CPA6: variants seen among roughly 807,000 people sequenced by gnomAD.
CPA6 encodes carboxypeptidase B.
In CPA6, 58 loss-of-function variants were observed where a neutral mutation model predicts 63.3. That is an observed-to-expected ratio of 0.92 (90% confidence interval 0.74 to 1.14). The LOEUF is 1.14. Ranked by LOEUF, CPA6 falls within the 50% of genes most tolerant of loss-of-function variation. CPA6 has a pLI of 0.00. For synonymous variants in CPA6, 185 were observed against 179.0 expected, an observed-to-expected ratio of 1.03 and a Z score of -0.27; for missense variants, 565 against 526.6, an observed-to-expected ratio of 1.07 and a Z score of -0.71.
chr8:67,626,077 C>G (rs1343830922), intron 1 of CPA6, among the ~76,000 whole-genome samples: 1 of 152,156 alleles, frequency 6.6e-6, no homozygotes, highest in East Asian at 1.9e-4. Flanking sequence ...TCCCTGCTTC[C>G]CCTTCTGCTA....
chr8:67,653,217 G>A (rs1270568200), intron 1 of CPA6, among the ~76,000 whole-genome samples: 23 of 151,600 alleles, frequency 1.5e-4, no homozygotes, highest in Middle Eastern at 3.2e-3. Context: ...TTGACTTGGC[G>A]ATGTGGGCTC....
chr8:67,433,976 C>T (rs1053332890), intron 9 of CPA6, 62 bp downstream of exon 9: 12 of 1,161,960 alleles, frequency 1.0e-5, no homozygotes, highest in Non-Finnish European at 1.6e-5. Context: ...GTACTTAGAA[C>T]CATCTTAGCT....
intron 2 of CPA6, among the ~76,000 whole-genome samples, chr8:67,538,443 C>T (rs1812634470): frequency 6.6e-6 from 1 of 151,574 alleles, no homozygotes; most frequent in African/African-American, 2.4e-5. Flanking sequence ...TACGTGATGC[C>T]CATCTTTGTC....
chr8:67,555,388 A>T (rs1813036838), intron 2 of CPA6, among the ~76,000 whole-genome samples: 1 of 152,156 alleles, frequency 6.6e-6, no homozygotes, highest in Admixed American at 6.5e-5. Context: ...AAAGACCCCT[A>T]AATGATGGTG....
chr8:67,462,235 C>A (rs1053899357), intron 8 of CPA6, among the ~76,000 whole-genome samples: 1 of 151,328 alleles, frequency 6.6e-6, no homozygotes, highest in Non-Finnish European at 1.5e-5. Flanking sequence ...GAAAAAAAAT[C>A]TTTTCTACAC....
intron 1 of CPA6, among the ~76,000 whole-genome samples, chr8:67,723,553 C>T (rs897403984): frequency 3.9e-5 from 6 of 152,156 alleles, no homozygotes; most frequent in African/African-American, 1.4e-4. Flanking sequence ...TATGACAGTT[C>T]CAGTTGCTTC....
chr8:67,562,143 C>G (rs111883873), intron 2 of CPA6, among the ~76,000 whole-genome samples: 1 of 152,282 alleles, frequency 6.6e-6, no homozygotes, highest in Admixed American at 6.5e-5. Flanking sequence ...AGTGTCAATA[C>G]GATGAGGGGA....
chr8:67,485,575 G>A (rs1811460611), intron 6 of CPA6, among the ~76,000 whole-genome samples: 1 of 152,092 alleles, frequency 6.6e-6, no homozygotes, highest in Non-Finnish European at 1.5e-5. Context: ...CTGCTAAATG[G>A]TATTCCATTA....
intron 3 of CPA6, among the ~76,000 whole-genome samples, chr8:67,517,318 C>A (rs960392375): frequency 2.6e-5 from 4 of 152,184 alleles, no homozygotes; most frequent in African/African-American, 9.6e-5. Flanking sequence ...CTACTCAGAG[C>A]CTCACTCCCT....
At chr8:67,694,825 G>A (rs1355107943) in intron 1 of CPA6, among the ~76,000 whole-genome samples, 1 of 152,200 alleles carries the variant, frequency 6.6e-6, no homozygotes, top group East Asian at 1.9e-4. Flanking sequence ...CCACTGGGCA[G>A]AACTTTGAGC....
chr8:67,663,337 C>G (rs1399223757), intron 1 of CPA6, among the ~76,000 whole-genome samples: 1 of 152,138 alleles, frequency 6.6e-6, no homozygotes, highest in Non-Finnish European at 1.5e-5. Context: ...ACTCTTTGAT[C>G]TGCTTGAGGT....
intron 6 of CPA6, 37 bp from the exon 7 acceptor site, chr8:67,484,826 TC>T (rs1811442542): frequency 2.5e-6 from 3 of 1,204,532 alleles, no homozygotes. Context: ...TTTAAATTGG[TC>T]CCCAAAAGAG....
rs1564021466 is a variant in CPA6, at chr8:67,607,240, CTT to C, written c.192+16934_192+16935del. 1.6e-3 allele frequency among the ~76,000 whole-genome samples: 190 copies of C among 116,008 alleles called. 17 individuals are homozygous for C. The highest frequency in any genetic ancestry group is 4.5e-3 in the Middle Eastern group (1 of 222). The allele number at this position is 116,008 out of a possible 152,430, so 76.1% of individuals were successfully genotyped here. A position where few individuals can be genotyped will look rare whatever the true frequency, so the allele number is the denominator to read the frequency against. On this transcript the variant is annotated intron_variant, in intron 2 of 10. Transcript: ENST00000297770. Reference sequence around the variant, plus strand: ...TCTTCTTCTTCTTCTTCTTCTTCTTCTTCTTCTTCTTCTCCTCCTCCTCCTTT... The same window carrying C: ...TCTTCTTCTTCTTCTTCTTCTTCTTCCTTCTTCTTCTCCTCCTCCTCCTTT...
intron 4 of CPA6, among the ~76,000 whole-genome samples, chr8:67,510,426 G>C (rs993187054): frequency 6.6e-6 from 1 of 152,022 alleles, no homozygotes; most frequent in Non-Finnish European, 1.5e-5. Flanking sequence ...GTGTGTGTGT[G>C]TGTATACACA....
chr8:67,469,977 G>T (rs1368912313), intron 8 of CPA6, among the ~76,000 whole-genome samples: 1 of 151,866 alleles, frequency 6.6e-6, no homozygotes. Context: ...GTGGCAGATA[G>T]AAGGCATTCA....
At chr8:67,701,163 A>G (rs1817017096) in intron 1 of CPA6, among the ~76,000 whole-genome samples, 1 of 152,202 alleles carries the variant, frequency 6.6e-6, no homozygotes, top group African/African-American at 2.4e-5. Context: ...TATTTATTAT[A>G]GGCCTGTTTT....
intron 1 of CPA6, among the ~76,000 whole-genome samples, chr8:67,640,288 T>C (rs887571087): frequency 2.6e-5 from 4 of 151,114 alleles, no homozygotes; most frequent in African/African-American, 9.9e-5. Context: ...AGGCTATTTG[T>C]GCCAAGGGGT....
At chr8:67,658,202 C>G (rs1022551768) in intron 1 of CPA6, among the ~76,000 whole-genome samples, 37 of 152,184 alleles carry the variant, frequency 2.4e-4, no homozygotes, top group Admixed American at 2.0e-4. Flanking sequence ...TTCTTCCTAT[C>G]TAACTCCATC....
intron 9 of CPA6, among the ~76,000 whole-genome samples, chr8:67,429,293 T>C (rs1400634922): frequency 6.6e-6 from 1 of 152,228 alleles, no homozygotes; most frequent in Admixed American, 6.5e-5. Flanking sequence ...CCTTTAAATA[T>C]GGTATAAAAA....
Sources: gnomAD v4.1 joint callset for allele counts (sites outside exome capture counted in the v4.1 genomes callset) on GRCh38, gnomAD v4.1.1 for gene constraint, MANE v1.5 for transcripts, NCBI Gene and HGNC (gene_info 2026-07-23, HGNC 2026-07-21) for gene names.